Variants in PPP1R9B observed in about 807,000 individuals in gnomAD.
PPP1R9B encodes the protein protein phosphatase 1 regulatory subunit 9B.
PPP1R9B carries 17 observed loss-of-function variants against 75.8 expected under a neutral mutation model. The observed-to-expected ratio is 0.22, with a 90% confidence interval of 0.15 to 0.34. PPP1R9B has a LOEUF of 0.34. Among genes scored for constraint, PPP1R9B ranks in the 10% least tolerant of loss-of-function variants. The pLI, the probability that PPP1R9B is intolerant of heterozygous loss-of-function variation, is 1.00. For synonymous variants in PPP1R9B, 509 were observed against 535.4 expected (o/e 0.95, Z 0.68); for missense variants, 875 against 1,196.0 (o/e 0.73, Z 3.96).
In PPP1R9B at chr17:50,142,131, G is replaced by A. The variant is rs137855719; in HGVS notation, c.1626-758C>T. On this transcript the variant is annotated intron_variant, in intron 3 of 9. Coordinates refer to ENST00000612501, the MANE Select transcript of PPP1R9B (RefSeq NM_032595.5). This position sits in a 1 kb window ranked among gnomAD's most constrained non-coding sequence, Gnocchi z 4.1. ...CACACCTGATACAGGTGCACCTGCC[G>A]ACACACTCCAGTTGTGTCCCCTGAA... is the stretch of plus-strand genomic sequence containing the variant. Among the ~76,000 whole-genome samples the A allele has an allele frequency of 2.8e-3, 427 of 152,238 alleles. 7 individuals carry two copies. Among genetic ancestry groups the A allele is most frequent in the Admixed American group, 0.023 (358 of 15,300 alleles).
In PPP1R9B at chr17:50,142,213, G is replaced by A. The variant is rs1410015695; in HGVS notation, c.1626-840C>T. 2.0e-5 allele frequency among the ~76,000 whole-genome samples: 3 copies of A among 152,274 alleles called. No homozygotes were observed. Among genetic ancestry groups the A allele is most frequent in the South Asian group, 2.1e-4 (1 of 4,826 alleles). ...TCTGGCCTGCTGAGGGAGATGGAGG[G>A]TGGGGGGCCTCTCAGACACCTCCCT... On this transcript the variant is annotated intron_variant, in intron 3 of 9. Coordinates refer to ENST00000612501, the MANE Select transcript of PPP1R9B (RefSeq NM_032595.5). This position sits in a 1 kb window ranked among gnomAD's most constrained non-coding sequence, Gnocchi z 4.1.
intron 3 of PPP1R9B, 64 bp downstream of exon 3, chr17:50,143,533 AC>A: frequency 7.0e-7 from 1 of 1,429,014 alleles, no homozygotes; most frequent in Non-Finnish European, 9.6e-7. Flanking sequence ...TCAGTGGCCC[AC>A]CCCACCAAGG....
At position 50,149,134 on chromosome 17, in the gene PPP1R9B, C is replaced by CA. The variant is rs1912603322; in HGVS notation, c.1371+8_1371+9insT. The CA allele has an allele frequency of 2.0e-5, 29 of 1,428,452 alleles. No homozygotes were observed. The highest frequency in any genetic ancestry group is 2.7e-5 in the Non-Finnish European group (29 of 1,087,346). 88.5% of individuals were successfully genotyped at this position (1,428,452 alleles called of 1,614,324 possible). A position where few individuals can be genotyped will look rare whatever the true frequency, so the allele number is the denominator to read the frequency against. On this transcript the variant is annotated intron_variant, in intron 1 of 9. Coordinates refer to ENST00000612501, the MANE Select transcript of PPP1R9B (RefSeq NM_032595.5). The surrounding 1 kb of genome is among the most constrained non-coding windows in gnomAD (Gnocchi z 7.2). ...GCGGCGCGGGGGCAGGGCGGGGGGG[C>CA]TCACTTACTTGGATGGGCGCCGTGC...
chr17:50,149,432 G>A lies in PPP1R9B; in HGVS notation c.1082C>T (p.Pro361Leu). The A allele has an allele frequency of 1.2e-6, 2 of 1,607,972 alleles. No homozygotes were observed. Among genetic ancestry groups the A allele is most frequent in the Non-Finnish European group, 1.7e-6 (2 of 1,177,882 alleles). Reference sequence around the variant, plus strand: ...GCCATTGCCCACCCCCCTCTCTGGCGGCGCTACCGCCGCCGCCTCCTTCTC... The same window carrying A: ...GCCATTGCCCACCCCCCTCTCTGGCAGCGCTACCGCCGCCGCCTCCTTCTC... ...APEKEAAAVA[P>L]PERGVGNGRA... is the part of the protein sequence containing the mutation. Residue 361 changes from proline (P) to leucine (L), a missense_variant, in exon 1 of 10, where the codon CCG (proline) becomes CTG (leucine). By Grantham distance (98) the Pro-to-Leu change is moderately conservative. Around this residue, in one of 4 missense-constraint regions of PPP1R9B, gnomAD observed 449 missense variants for 475.0 expected, o/e 0.95. Coordinates refer to ENST00000612501, the MANE Select transcript of PPP1R9B (RefSeq NM_032595.5). This position sits in a 1 kb window ranked among gnomAD's most constrained non-coding sequence, Gnocchi z 7.2.
At chr17:50,145,279 C>A (rs1292999257) in intron 1 of PPP1R9B, 34 bp from the exon 2 acceptor site, 5 of 1,610,174 alleles carry the variant, frequency 3.1e-6, no homozygotes, top group South Asian at 1.1e-5. Flanking sequence ...GAGAGGCCGG[C>A]AGGAGGACAA....
chr17:50,143,562 GA>G, intron 3 of PPP1R9B, 35 bp downstream of exon 3: 2 of 1,612,020 alleles, frequency 1.2e-6, no homozygotes, highest in Non-Finnish European at 1.7e-6. Context: ...GTCGGAGAGG[GA>G]AAAAGGGTCA....
chr17:50,140,583 G>C (rs1261630762), intron 4 of PPP1R9B, among the ~76,000 whole-genome samples: 2 of 152,204 alleles, frequency 1.3e-5, no homozygotes, highest in Non-Finnish European at 2.9e-5. Flanking sequence ...AGCAGGGATG[G>C]GCTGCGGAGG....
chr17:50,143,845 A>T, intron 2 of PPP1R9B, 127 bp from the exon 3 acceptor site: 1 of 1,307,640 alleles, frequency 7.6e-7, no homozygotes, highest in Admixed American at 1.8e-5. Flanking sequence ...CCCACAACTG[A>T]AGAAGGGATA....
At chr17:50,146,822 A>C (rs1325415469) in intron 1 of PPP1R9B, among the ~76,000 whole-genome samples, 2 of 152,210 alleles carry the variant, frequency 1.3e-5, no homozygotes, top group East Asian at 3.8e-4. Flanking sequence ...GACTGCACCC[A>C]GCTGGGACAG....
chr17:50,136,252 T>C (rs901424764), intron 7 of PPP1R9B, 55 bp from the exon 8 acceptor site: 1 of 1,488,168 alleles, frequency 6.7e-7, no homozygotes, highest in African/African-American at 1.4e-5. Flanking sequence ...AGCCAAAGGG[T>C]ACCCCCATCC....
Position 50,134,003 on chromosome 17 carries a change from G to A in PPP1R9B, c.*1328C>T, listed in dbSNP as rs1331139896. 1.3e-5 allele frequency: 2 copies of A among 152,596 alleles called. No individual in the cohort carries two copies. Among genetic ancestry groups the A allele is most frequent in the Non-Finnish European group, 2.9e-5 (2 of 67,996 alleles). 9.5% of individuals were successfully genotyped at this position (152,596 alleles called of 1,614,324 possible). A position where few individuals can be genotyped will look rare whatever the true frequency, so the allele number is the denominator to read the frequency against. On this transcript the variant is annotated 3_prime_UTR_variant, in exon 10 of 10. Transcript: ENST00000612501. ...ACATCTGGGGATAGGAAGGGGTGGGGACAAGAAATACTGATCGAAGTCATG... is the reference window on the plus strand; with the variant it reads ...ACATCTGGGGATAGGAAGGGGTGGGAACAAGAAATACTGATCGAAGTCATG...
chr17:50,143,766 G>A (rs777299049), intron 2 of PPP1R9B, 48 bp from the exon 3 acceptor site: 21 of 1,607,642 alleles, frequency 1.3e-5, no homozygotes, highest in Admixed American at 1.2e-4. Flanking sequence ...GGGGACAGAC[G>A]AGAGACTCTC....
At chr17:50,146,433 C>G (rs374753218) in intron 1 of PPP1R9B, among the ~76,000 whole-genome samples, 5 of 152,158 alleles carry the variant, frequency 3.3e-5, no homozygotes, top group Non-Finnish European at 7.4e-5. Context: ...CCCATCTCCC[C>G]CAAGGGCCCT....
Position 50,135,354 on chromosome 17 carries a change from G to A in PPP1R9B, c.2431C>T (p.Leu811=). The A allele has an allele frequency of 1.9e-6, 3 of 1,613,666 alleles. No homozygotes were observed. The highest frequency in any genetic ancestry group is 2.5e-6 in the Non-Finnish European group (3 of 1,179,686). ...TGTTAAGTAGAATTGGAATTCCTCA[G>A]TGTTTGCAAGTTTCCTTCCAGTTCT... ...ISELEGNLQT[L]RNSNST Residue 811 remains leucine, a synonymous_variant, in exon 10 of 10, where the codon CTG becomes TTG. Coordinates refer to ENST00000612501, the MANE Select transcript of PPP1R9B (RefSeq NM_032595.5).
intron 7 of PPP1R9B, among the ~76,000 whole-genome samples, chr17:50,138,020 A>G (rs1375990466): frequency 6.6e-6 from 1 of 152,184 alleles, no homozygotes; most frequent in Admixed American, 6.5e-5. Context: ...CAGAAGCCCC[A>G]TAGGTACTGG....
chr17:50,145,369 G>T, intron 1 of PPP1R9B, 124 bp from the exon 2 acceptor site: 1 of 1,236,930 alleles, frequency 8.1e-7, no homozygotes, highest in Non-Finnish European at 1.2e-6. Flanking sequence ...CCTGAGATGA[G>T]GCCTCACCCA....
In PPP1R9B at chr17:50,139,120, TA is replaced by T. The variant is rs762774444; in HGVS notation, c.2073+142del. 1.1e-6 allele frequency: 1 copy of T among 884,700 alleles called. No homozygotes were observed. The highest frequency in any genetic ancestry group is 1.9e-6 in the Non-Finnish European group (1 of 536,140). 54.8% of individuals were successfully genotyped at this position (884,700 alleles called of 1,614,324 possible). On this transcript the variant is annotated intron_variant, in intron 7 of 9. Coordinates refer to ENST00000612501, the MANE Select transcript of PPP1R9B (RefSeq NM_032595.5). The surrounding 1 kb of genome is among the most constrained non-coding windows in gnomAD (Gnocchi z 5.0). ...GAGCTTAAGCTCTTAATATCGTATC[TA>T]TCATATCATCTTGCTTTAGAGCAGC...
At chr17:50,137,207 C>T (rs1912253584) in intron 7 of PPP1R9B, 1 of 152,454 alleles carries the variant, frequency 6.6e-6, no homozygotes, top group African/African-American at 2.4e-5. Flanking sequence ...CCACAGCTCC[C>T]TCCAACAGCA....
rs755375713 is a variant in PPP1R9B at position 50,139,319 on chromosome 17, G to A, written c.2020-3C>T. The A allele has an allele frequency of 3.1e-6, 5 of 1,613,916 alleles. No individual in the cohort carries two copies. In the Admixed American group the frequency reaches 5.0e-5, roughly 16 times the overall value. On this transcript the variant is annotated splice_region_variant and splice_polypyrimidine_tract_variant and intron_variant, in intron 6 of 9. Transcript: ENST00000612501. This position sits in a 1 kb window ranked among gnomAD's most constrained non-coding sequence, Gnocchi z 5.0. Reference sequence around the variant, plus strand: ...GTGACCGCATGCTTGATCTGGAGCTGTTGGGCAGAGGGGCAGGCACTCAGC... The same window carrying A: ...GTGACCGCATGCTTGATCTGGAGCTATTGGGCAGAGGGGCAGGCACTCAGC...
Sources: gnomAD v4.1 joint callset for allele counts (sites outside exome capture counted in the v4.1 genomes callset) on GRCh38, gnomAD v4.1.1 for gene constraint, gnomAD v4.1.1 regional missense constraint, Gnocchi (gnomAD v3.1) non-coding constraint, MANE v1.5 for transcripts, NCBI Gene and HGNC (gene_info 2026-07-23, HGNC 2026-07-21) for gene names.